Variants in EGFLAM observed in about 807,000 individuals in gnomAD.
EGFLAM encodes EGF like, fibronectin type III and laminin G domains.
In EGFLAM, 79 loss-of-function variants were observed where a neutral mutation model predicts 113.1. That is an observed-to-expected ratio of 0.70 (90% CI 0.58 to 0.84). The LOEUF (loss-of-function observed/expected upper bound fraction) is 0.84. EGFLAM is among the 40% of genes least tolerant of loss of function. EGFLAM has a pLI of 0.00. For synonymous variants in EGFLAM, 504 were observed against 487.6 expected (o/e 1.03, Z -0.44); for missense variants, 1,265 against 1,291.6 (o/e 0.98, Z 0.32).
At chr5:38,410,987 CAAG>C (rs753002716) in intron 10 of EGFLAM, among the ~76,000 whole-genome samples, 115 of 152,238 alleles carry the variant, frequency 7.6e-4, no homozygotes, top group Non-Finnish European at 1.3e-3. Context: ...TTGCTGAAAA[CAAG>C]AAGGAGGTCC....
At chr5:38,408,640 C>G (rs750517662) in intron 9 of EGFLAM, among the ~76,000 whole-genome samples, 1 of 152,148 alleles carries the variant, frequency 6.6e-6, no homozygotes, top group Non-Finnish European at 1.5e-5. Context: ...ATAGAAAGAA[C>G]AAAGTGAAAA....
At chr5:38,351,694 C>T (rs1429219273) in intron 4 of EGFLAM, among the ~76,000 whole-genome samples, 1 of 152,062 alleles carries the variant, frequency 6.6e-6, no homozygotes, top group African/African-American at 2.4e-5. Context: ...AGGGCATTTC[C>T]CAAATGACCT....
At chr5:38,307,631 G>A (rs1280663806) in intron 1 of EGFLAM, among the ~76,000 whole-genome samples, 1 of 152,222 alleles carries the variant, frequency 6.6e-6, no homozygotes, top group Non-Finnish European at 1.5e-5. Flanking sequence ...CATACCTGGT[G>A]TAGCCCTAAA....
intron 12 of EGFLAM, among the ~76,000 whole-genome samples, chr5:38,419,549 C>T (rs981581050): frequency 1.3e-5 from 2 of 152,230 alleles, no homozygotes; most frequent in African/African-American, 4.8e-5. Context: ...ATCCCTTTCT[C>T]CATTCCTCAG....
intron 1 of EGFLAM, among the ~76,000 whole-genome samples, chr5:38,317,117 T>A (rs1738619699): frequency 6.6e-6 from 1 of 152,230 alleles, no homozygotes; most frequent in Non-Finnish European, 1.5e-5. Flanking sequence ...TCACTTTCTA[T>A]GATCTTGAAC....
At chr5:38,452,057 A>G (rs1404491495) in intron 19 of EGFLAM, among the ~76,000 whole-genome samples, 1 of 140,330 alleles carries the variant, frequency 7.1e-6, no homozygotes, top group Non-Finnish European at 1.5e-5. Context: ...TTTTTTTGAG[A>G]CAGGGTCTTG....
At chr5:38,463,705 C>T (rs1178919447) in intron 21 of EGFLAM, 127 bp from the exon 22 acceptor site, 12 of 1,156,164 alleles carry the variant, frequency 1.0e-5, no homozygotes, top group Non-Finnish European at 1.5e-5. Flanking sequence ...CCACAGCCCT[C>T]ACATGTCCCA....
At chr5:38,272,949 A>G (rs1371623570) in intron 1 of EGFLAM, among the ~76,000 whole-genome samples, 1 of 152,182 alleles carries the variant, frequency 6.6e-6, no homozygotes. Context: ...ATGGTATAAG[A>G]TGGTGGAATA....
intron 1 of EGFLAM, among the ~76,000 whole-genome samples, chr5:38,322,994 A>G (rs939478397): frequency 6.6e-6 from 1 of 152,238 alleles, no homozygotes; most frequent in Non-Finnish European, 1.5e-5. Context: ...TGGGTTACAC[A>G]TTCATAGTGC....
At chr5:38,451,251 T>C in intron 18 of EGFLAM, 64 bp from the exon 19 acceptor site, 1 of 1,579,976 alleles carries the variant, frequency 6.3e-7, no homozygotes, top group South Asian at 1.2e-5. Context: ...CAGACAAAAC[T>C]GGAATTACTC....
intron 1 of EGFLAM, among the ~76,000 whole-genome samples, chr5:38,263,173 G>T (rs1189186467): frequency 1.3e-5 from 2 of 152,086 alleles, no homozygotes; most frequent in Non-Finnish European, 2.9e-5. Context: ...TTAAAACTTG[G>T]GATGTTTGCC....
intron 6 of EGFLAM, chr5:38,401,145 A>G (rs528435793): frequency 7.2e-5 from 11 of 152,268 alleles, no homozygotes; most frequent in African/African-American, 2.2e-4. Context: ...CATTCTCATT[A>G]TGGTATCATT....
chr5:38,384,743 C>T (rs1473404535), intron 6 of EGFLAM, among the ~76,000 whole-genome samples: 1 of 152,058 alleles, frequency 6.6e-6, no homozygotes, highest in Non-Finnish European at 1.5e-5. Flanking sequence ...CATTCTACTG[C>T]ACTTGGCTCC....
chr5:38,440,901 A>G (rs1193546125), intron 17 of EGFLAM, among the ~76,000 whole-genome samples: 2 of 152,206 alleles, frequency 1.3e-5, no homozygotes, highest in African/African-American at 2.4e-5. Flanking sequence ...CAGCCTCATC[A>G]GAGAGTGTGG....
chr5:38,443,633 G>A (rs567558640), intron 17 of EGFLAM, among the ~76,000 whole-genome samples: 11 of 152,330 alleles, frequency 7.2e-5, no homozygotes, highest in Non-Finnish European at 1.3e-4. Flanking sequence ...TGTTTGCTCC[G>A]GCAGGATGGG....
chr5:38,448,856 C>T (rs1300655567), intron 18 of EGFLAM, among the ~76,000 whole-genome samples: 1 of 152,202 alleles, frequency 6.6e-6, no homozygotes, highest in Non-Finnish European at 1.5e-5. Flanking sequence ...TCCATACCTA[C>T]CCTGCGTCTT....
chr5:38,392,063 G>A (rs569143781), intron 6 of EGFLAM, among the ~76,000 whole-genome samples: 1 of 152,236 alleles, frequency 6.6e-6, no homozygotes, highest in Non-Finnish European at 1.5e-5. Flanking sequence ...CAGGTATGAA[G>A]TCCAGTACCC....
At chr5:38,369,491 T>C (rs1202161152) in intron 5 of EGFLAM, among the ~76,000 whole-genome samples, 1 of 152,224 alleles carries the variant, frequency 6.6e-6, no homozygotes, top group Non-Finnish European at 1.5e-5. Flanking sequence ...GAATAATGTC[T>C]GGTACCTGCT....
chr5:38,287,973 C>T (rs1306823721), intron 1 of EGFLAM, among the ~76,000 whole-genome samples: 6 of 152,122 alleles, frequency 3.9e-5, no homozygotes, highest in Non-Finnish European at 5.9e-5. Flanking sequence ...AACCCATTAA[C>T]GCTTTGGAAA....
Sources: gnomAD v4.1 joint callset for allele counts (sites outside exome capture counted in the v4.1 genomes callset) on GRCh38, gnomAD v4.1.1 for gene constraint, MANE v1.5 for transcripts, NCBI Gene and HGNC (gene_info 2026-07-23, HGNC 2026-07-21) for gene names.